GTF2IRD2B: variants seen among roughly 807,000 people sequenced by gnomAD.
The protein encoded by GTF2IRD2B is GTF2I repeat domain containing 2B.
In GTF2IRD2B, 10 loss-of-function variants were observed where a neutral mutation model predicts 55.6. The ratio of observed to expected loss-of-function variants is 0.18; its 90% confidence interval spans 0.11 to 0.31. The LOEUF (loss-of-function observed/expected upper bound fraction) is 0.31. Among genes scored for constraint, GTF2IRD2B ranks in the 10% least tolerant of loss-of-function variants. The pLI is 1.00. For missense variants in GTF2IRD2B, 206 were observed against 802.7 expected, an observed-to-expected ratio of 0.26 and a Z score of 8.98; for synonymous variants, 107 against 320.5, an observed-to-expected ratio of 0.33 and a Z score of 7.12.
chr7:75,120,717 A>G (rs1316126138), intron 3 of GTF2IRD2B, 174 bp from the exon 4 acceptor site: 4 of 636,216 alleles, frequency 6.3e-6, no homozygotes, highest in African/African-American at 1.8e-5. Flanking sequence ...TGATTTTTTT[A>G]TAGTTCATTA....
chr7:75,104,932 C>G (rs1198017301), intron 1 of GTF2IRD2B, among the ~76,000 whole-genome samples: 1 of 152,304 alleles, frequency 6.6e-6, no homozygotes, highest in Non-Finnish European at 1.5e-5. Flanking sequence ...CGGTGGCTCA[C>G]ACCTGTAATC....
chr7:75,106,302 C>CT (rs1554450231), intron 1 of GTF2IRD2B, among the ~76,000 whole-genome samples: 4 of 152,266 alleles, frequency 2.6e-5, no homozygotes, highest in Non-Finnish European at 5.9e-5. Context: ...ACTTGGGAGG[C>CT]TGAGGCAGGA....
chr7:75,115,359 A>C lies in GTF2IRD2B; in HGVS notation c.238+2824A>C, dbSNP rs587669017. Among the ~76,000 whole-genome samples the C allele has an allele frequency of 4.0e-5, 6 of 150,898 alleles. No individual in the cohort carries two copies. In the East Asian group the frequency reaches 1.2e-3, roughly 29 times the overall value. ...TGAAATCAGGAAGTATGAGACCTCC[A>C]AATTTGCTCTTCTTCAAGATTATTT... On this transcript the variant is annotated intron_variant, in intron 3 of 15. Coordinates refer to ENST00000472837, the MANE Select transcript of GTF2IRD2B (RefSeq NM_001003795.3).
At chr7:75,117,349 A>C (rs1392698811) in intron 3 of GTF2IRD2B, among the ~76,000 whole-genome samples, 1 of 152,172 alleles carries the variant, frequency 6.6e-6, no homozygotes, top group Admixed American at 6.5e-5. Context: ...AAAATACAAA[A>C]ATTTTAGTGG....
chr7:75,104,441 G>T (rs587671180), intron 1 of GTF2IRD2B, among the ~76,000 whole-genome samples: 2,303 of 149,616 alleles, frequency 0.015, 45 homozygotes, highest in African/African-American at 0.054. Context: ...CACATTGAGT[G>T]TGATGACATC....
chr7:75,117,823 C>T (rs1252214715), intron 3 of GTF2IRD2B, among the ~76,000 whole-genome samples: 3 of 152,256 alleles, frequency 2.0e-5, no homozygotes, highest in Non-Finnish European at 4.4e-5. Context: ...TGGCTCACAC[C>T]TGTAATTCCA....
intron 1 of GTF2IRD2B, among the ~76,000 whole-genome samples, chr7:75,105,666 T>C (rs1295459007): frequency 2.6e-5 from 4 of 152,428 alleles, no homozygotes; most frequent in African/African-American, 9.6e-5. Flanking sequence ...AGATGATAAC[T>C]CTAAGGGATC....
chr7:75,118,019 G>A (rs1411651848), intron 3 of GTF2IRD2B, among the ~76,000 whole-genome samples: 1 of 150,334 alleles, frequency 6.7e-6, no homozygotes, highest in East Asian at 1.9e-4. Flanking sequence ...GGAGGTGGAG[G>A]TTGCAGTGAG....
chr7:75,101,914 G>GA (rs1807578867), intron 1 of GTF2IRD2B, among the ~76,000 whole-genome samples: 1 of 124,390 alleles, frequency 8.0e-6, no homozygotes, highest in Non-Finnish European at 1.8e-5. Context: ...AAAAAAAAAA[G>GA]AAAATTAAAA....
At chr7:75,120,128 C>CA (rs1410735935) in intron 3 of GTF2IRD2B, among the ~76,000 whole-genome samples, 1,078 of 76,442 alleles carry the variant, frequency 0.014, 114 homozygotes, top group Non-Finnish European at 0.019. Flanking sequence ...GACTCTGTCT[C>CA]AAAAAAAAAA....
At chr7:75,113,776 A>G (rs1808042454) in intron 3 of GTF2IRD2B, among the ~76,000 whole-genome samples, 1 of 85,886 alleles carries the variant, frequency 1.2e-5, no homozygotes, top group African/African-American at 5.2e-5. Flanking sequence ...GTCAGAGGGT[A>G]TAAGGGTGTG....
chr7:75,102,186 A>G (rs1216040113), intron 1 of GTF2IRD2B, among the ~76,000 whole-genome samples: 2 of 151,052 alleles, frequency 1.3e-5, no homozygotes, highest in Admixed American at 6.6e-5. Context: ...TATTTTTAGT[A>G]GAGACAAAGT....
chr7:75,130,134 T>TTTC (rs1163899419), intron 8 of GTF2IRD2B, among the ~76,000 whole-genome samples: 1 of 90,672 alleles, frequency 1.1e-5, no homozygotes, highest in Non-Finnish European at 2.5e-5. Flanking sequence ...TCTTTCTTTC[T>TTTC]TTCTTTCTTT....
chr7:75,141,811 C>CAAT (rs1484180960), intron 13 of GTF2IRD2B, among the ~76,000 whole-genome samples: 1 of 112,990 alleles, frequency 8.9e-6, no homozygotes, highest in Non-Finnish European at 1.9e-5. Flanking sequence ...TGACTAATTA[C>CAAT]AATAATAATA....
At chr7:75,120,053 C>A (rs1381017214) in intron 3 of GTF2IRD2B, among the ~76,000 whole-genome samples, 1 of 129,160 alleles carries the variant, frequency 7.7e-6, no homozygotes, top group Non-Finnish European at 1.6e-5. Flanking sequence ...GGCGTGAACC[C>A]GGGAGGCAGA....
At chr7:75,121,123 G>C in intron 4 of GTF2IRD2B, 113 bp downstream of exon 4, 1 of 822,662 alleles carries the variant, frequency 1.2e-6, no homozygotes, top group African/African-American at 1.7e-5. Context: ...TGCAACCTCC[G>C]CCTCCTGGGT....
intron 8 of GTF2IRD2B, among the ~76,000 whole-genome samples, chr7:75,132,535 C>G (rs1584543948): frequency 1.4e-5 from 2 of 145,094 alleles, no homozygotes; most frequent in Non-Finnish European, 3.0e-5. Flanking sequence ...CCTTCATCCT[C>G]CTCTCCTTCC....
At chr7:75,093,638 T>G (rs1268750229) in intron 1 of GTF2IRD2B, among the ~76,000 whole-genome samples, 1 of 152,260 alleles carries the variant, frequency 6.6e-6, no homozygotes, top group African/African-American at 2.4e-5. Context: ...ACATTTCGTG[T>G]GGATAGAATC....
At chr7:75,146,689 C>T (rs1264781279) in intron 15 of GTF2IRD2B, 1 of 78,808 alleles carries the variant, frequency 1.3e-5, no homozygotes, top group African/African-American at 5.2e-5. Flanking sequence ...AAGACCCTGT[C>T]TCTAAAAAGA....
Sources: gnomAD v4.1 joint callset for allele counts (sites outside exome capture counted in the v4.1 genomes callset) on GRCh38, gnomAD v4.1.1 for gene constraint, MANE v1.5 for transcripts, NCBI Gene and HGNC (gene_info 2026-07-23, HGNC 2026-07-21) for gene names.